The following ANKRD55 variants were observed in gnomAD, a reference collection of about 807,000 sequenced individuals.
ANKRD55 encodes the protein ankyrin repeat domain 55.
Under a neutral mutation model 60.6 loss-of-function variants are expected in ANKRD55, and 41 were observed. The ratio of observed to expected loss-of-function variants is 0.68; its 90% confidence interval spans 0.53 to 0.88. ANKRD55 has a LOEUF of 0.88. Among genes scored for constraint, ANKRD55 ranks in the 40% least tolerant of loss-of-function variants. ANKRD55 has a pLI of 0.00. For synonymous variants in ANKRD55, 264 were observed against 290.3 expected (o/e 0.91, Z 0.92); for missense variants, 732 against 767.6 (o/e 0.95, Z 0.55).
At chr5:56,211,290 T>C (rs1275424133) in intron 2 of ANKRD55, among the ~76,000 whole-genome samples, 1 of 152,208 alleles carries the variant, frequency 6.6e-6, no homozygotes, top group African/African-American at 2.4e-5. Flanking sequence ...TTCAGGACCG[T>C]TTCAATGCCT....
chr5:56,205,548 G>A (rs1184904850), intron 2 of ANKRD55, among the ~76,000 whole-genome samples: 1 of 152,170 alleles, frequency 6.6e-6, no homozygotes, highest in Non-Finnish European at 1.5e-5. Context: ...GTGTTCTTGA[G>A]GAGACAGCTG....
chr5:56,109,244 G>C (rs1465838853), intron 10 of ANKRD55, among the ~76,000 whole-genome samples: 2 of 152,182 alleles, frequency 1.3e-5, no homozygotes, highest in African/African-American at 2.4e-5. Context: ...TGGAGAGACG[G>C]TGGAGTGGTG....
chr5:56,127,390 GTGCAATGGA>G, intron 7 of ANKRD55: 4 of 552,670 alleles, frequency 7.2e-6, no homozygotes, highest in Non-Finnish European at 8.9e-6. Context: ...TTAAATACAG[GTGCAATGGA>G]CTGACGTCAG....
intron 3 of ANKRD55, among the ~76,000 whole-genome samples, chr5:56,181,984 A>AT (rs895454255): frequency 2.2e-4 from 33 of 150,234 alleles, no homozygotes; most frequent in South Asian, 6.3e-4. Flanking sequence ...CTATAGGCTT[A>AT]TTTTTTTTTT....
At chr5:56,149,998 C>T (rs1758001572) in intron 6 of ANKRD55, among the ~76,000 whole-genome samples, 1 of 152,002 alleles carries the variant, frequency 6.6e-6, no homozygotes, top group African/African-American at 2.4e-5. Context: ...CGAGCCACCA[C>T]GCCCGTTGAA....
chr5:56,111,669 GCT>G lies in ANKRD55; in HGVS notation c.1077_1078del (p.Arg359SerfsTer21). On this transcript the variant is annotated frameshift_variant, in exon 10 of 12. Coordinates refer to ENST00000341048, the MANE Select transcript of ANKRD55 (RefSeq NM_024669.3). LOFTEE classifies it high-confidence loss of function. ...GTCCCTGCTGGGATCCTTCTGATGGGCTCTCTGCTCTTCTTTCTTGTTTTTGC... is the reference window on the plus strand; with the variant it reads ...GTCCCTGCTGGGATCCTTCTGATGGGCTCTGCTCTTCTTTCTTGTTTTTGC... The G allele has an allele frequency of 6.6e-7, 1 of 1,525,800 alleles. No homozygotes were observed. The highest frequency in any genetic ancestry group is 8.8e-7 in the Non-Finnish European group (1 of 1,141,852). 94.5% of individuals were successfully genotyped at this position (1,525,800 alleles called of 1,614,324 possible). A position where few individuals can be genotyped will look rare whatever the true frequency, so the allele number is the denominator to read the frequency against.
At chr5:56,188,249 T>C (rs16885009) in intron 2 of ANKRD55, among the ~76,000 whole-genome samples, 4,755 of 152,232 alleles carry the variant, frequency 0.031, 156 homozygotes, top group East Asian at 0.2. Flanking sequence ...AGAACAATAC[T>C]GTTGCTTTAT....
intron 7 of ANKRD55, among the ~76,000 whole-genome samples, chr5:56,136,404 T>C (rs1195529726): frequency 6.6e-6 from 1 of 152,102 alleles, no homozygotes; most frequent in Non-Finnish European, 1.5e-5. Flanking sequence ...GGCAAAATAA[T>C]AGACAAGTAA....
intron 6 of ANKRD55, among the ~76,000 whole-genome samples, chr5:56,149,910 C>T (rs368912152): frequency 6.6e-5 from 10 of 150,944 alleles, no homozygotes; most frequent in African/African-American, 2.2e-4. Context: ...GGCACCATCT[C>T]GGCTTACTGC....
chr5:56,171,745 G>A (rs192341186), intron 4 of ANKRD55, among the ~76,000 whole-genome samples: 4 of 152,214 alleles, frequency 2.6e-5, no homozygotes, highest in Admixed American at 6.5e-5. Context: ...CTACATTCGC[G>A]TCTAGGTAAA....
intron 3 of ANKRD55, among the ~76,000 whole-genome samples, chr5:56,178,523 C>T (rs1758786658): frequency 6.7e-6 from 1 of 148,580 alleles, no homozygotes; most frequent in Non-Finnish European, 1.5e-5. Context: ...ACAAGTAAGA[C>T]AGTACAGCAT....
chr5:56,127,102 C>G lies in ANKRD55; in HGVS notation c.617G>C (p.Gly206Ala). The change falls in exon 8 of 12, where the codon GGA becomes GCA. Residue 206 changes from glycine to alanine, a missense_variant. By Grantham distance (60) the Gly-to-Ala change is moderately conservative. Transcript: ENST00000341048. The part of the protein sequence containing the change: ...KTALHWAVQS[G>A]NRILCSIILS... ...AATGATGGAGCACAGAATCCTATTT[C>G]CACTCTGGAAAAGAGAGTCAAAGAA... The G allele has an allele frequency of 6.2e-7, 1 of 1,605,708 alleles. No individual in the cohort carries two copies. The highest frequency in any genetic ancestry group is 1.3e-5 in the African/African-American group (1 of 74,730).
At chr5:56,187,540 C>T (rs1307162581) in intron 2 of ANKRD55, among the ~76,000 whole-genome samples, 1 of 152,200 alleles carries the variant, frequency 6.6e-6, no homozygotes, top group Non-Finnish European at 1.5e-5. Flanking sequence ...CTTTCGCTCA[C>T]TGTCCACCAC....
At chr5:56,157,722 T>C (rs932971851) in intron 6 of ANKRD55, among the ~76,000 whole-genome samples, 1 of 151,910 alleles carries the variant, frequency 6.6e-6, no homozygotes, top group African/African-American at 2.4e-5. Context: ...CTGCTGACCC[T>C]CTCCCCACTA....
chr5:56,198,363 G>A (rs539293309), intron 2 of ANKRD55, among the ~76,000 whole-genome samples: 8 of 151,638 alleles, frequency 5.3e-5, no homozygotes, highest in East Asian at 3.9e-4. Context: ...TTGGCTCACC[G>A]CAACCTCTGC....
rs1180872884 is a variant in ANKRD55, at chr5:56,127,095, C to T, written c.624G>A (p.Arg208=). 7 of 1,607,352 alleles carry T rather than the reference C, an allele frequency of 4.4e-6. No homozygotes were observed. Among genetic ancestry groups the T allele is most frequent in the Non-Finnish European group, 5.9e-6 (7 of 1,176,482 alleles). Residue 208 remains arginine, a synonymous_variant, in exon 8 of 12, where the codon AGG becomes AGA. Coordinates refer to ENST00000341048, the MANE Select transcript of ANKRD55 (RefSeq NM_024669.3). ...ALHWAVQSGN[R]ILCSIILSHH... Reference sequence around the variant, plus strand: ...GGCTCAGAATGATGGAGCACAGAATCCTATTTCCACTCTGGAAAAGAGAGT... The same window carrying T: ...GGCTCAGAATGATGGAGCACAGAATTCTATTTCCACTCTGGAAAAGAGAGT...
intron 2 of ANKRD55, among the ~76,000 whole-genome samples, chr5:56,206,333 T>G (rs997538985): frequency 1.3e-5 from 2 of 152,180 alleles, no homozygotes; most frequent in African/African-American, 4.8e-5. Flanking sequence ...TTACTGACCC[T>G]TTAAAGTGTA....
chr5:56,143,540 C>A (rs575248383), intron 7 of ANKRD55, among the ~76,000 whole-genome samples: 1 of 152,090 alleles, frequency 6.6e-6, no homozygotes, highest in African/African-American at 2.4e-5. Flanking sequence ...CACAGTAAGC[C>A]GGTAGCAAAC....
At chr5:56,230,952 G>A (rs1241972109) in intron 2 of ANKRD55, among the ~76,000 whole-genome samples, 3 of 145,700 alleles carry the variant, frequency 2.1e-5, no homozygotes, top group Non-Finnish European at 4.4e-5. Flanking sequence ...TGAATATCAG[G>A]CATTGCTAAC....
Sources: gnomAD v4.1 joint callset for allele counts (sites outside exome capture counted in the v4.1 genomes callset) on GRCh38, gnomAD v4.1.1 for gene constraint, MANE v1.5 for transcripts, NCBI Gene and HGNC (gene_info 2026-07-23, HGNC 2026-07-21) for gene names.